OPCML: variants seen among roughly 807,000 people sequenced by gnomAD.
OPCML encodes the protein opioid binding protein/cell adhesion molecule like.
OPCML carries 13 observed loss-of-function variants against 37.8 expected under a neutral mutation model. The ratio of observed to expected loss-of-function variants is 0.34; its 90% CI spans 0.22 to 0.55. The LOEUF is 0.55. OPCML is among the 20% of genes least tolerant of loss of function. The probability of loss-of-function intolerance (pLI) is 0.91; values close to 1 mark genes in which losing one functional copy is unlikely to be tolerated. For synonymous variants in OPCML, 176 were observed against 168.8 expected, an observed-to-expected ratio of 1.04 and a Z score of -0.33; for missense variants, 341 against 435.6, an observed-to-expected ratio of 0.78 and a Z score of 1.93.
At chr11:133,011,579 T>C (rs960447056) in intron 1 of OPCML, among the ~76,000 whole-genome samples, 1 of 150,606 alleles carries the variant, frequency 6.6e-6, no homozygotes, top group African/African-American at 2.4e-5. Context: ...ATTTAAAAAC[T>C]GAATGAACAG....
At chr11:132,652,925 T>G (rs1397340164) in intron 3 of OPCML, among the ~76,000 whole-genome samples, 1 of 152,158 alleles carries the variant, frequency 6.6e-6, no homozygotes, top group Non-Finnish European at 1.5e-5. Context: ...GAGTGCCTAC[T>G]GTGCCTCAGA....
intron 1 of OPCML, among the ~76,000 whole-genome samples, chr11:133,172,992 T>C (rs1257400465): frequency 6.6e-6 from 1 of 152,212 alleles, no homozygotes; most frequent in Non-Finnish European, 1.5e-5. Context: ...TTATAACACT[T>C]AAAGTTGAAT....
chr11:132,438,254 CA>C (rs1423750823), intron 4 of OPCML, among the ~76,000 whole-genome samples: 1 of 152,218 alleles, frequency 6.6e-6, no homozygotes, highest in Non-Finnish European at 1.5e-5. Flanking sequence ...TGTCTTCCAT[CA>C]CAAATGTTCT....
chr11:133,525,943 C>T (rs998428848), intron 1 of OPCML, among the ~76,000 whole-genome samples: 7 of 152,180 alleles, frequency 4.6e-5, no homozygotes, highest in African/African-American at 1.2e-4. Flanking sequence ...AACGAGAATG[C>T]GCCTGCATCA....
intron 1 of OPCML, among the ~76,000 whole-genome samples, chr11:132,999,147 C>T (rs1946943697): frequency 6.6e-6 from 1 of 152,096 alleles, no homozygotes; most frequent in Non-Finnish European, 1.5e-5. Context: ...GCAGTCCTGC[C>T]CTATCTGGCA....
chr11:133,407,069 T>C (rs1945542171), intron 1 of OPCML, among the ~76,000 whole-genome samples: 1 of 152,202 alleles, frequency 6.6e-6, no homozygotes, highest in South Asian at 2.1e-4. Context: ...GCCTTTGAAC[T>C]GCTAAGCAGT....
At chr11:133,157,252 C>A (rs1025735166) in intron 1 of OPCML, among the ~76,000 whole-genome samples, 1 of 152,156 alleles carries the variant, frequency 6.6e-6, no homozygotes, top group Admixed American at 6.5e-5. Context: ...CATCACAAGA[C>A]CTTACAAATT....
intron 2 of OPCML, among the ~76,000 whole-genome samples, chr11:132,728,392 G>A (rs1006591315): frequency 5.3e-5 from 8 of 152,228 alleles, no homozygotes; most frequent in Non-Finnish European, 1.0e-4. Context: ...CATCGTTTGG[G>A]TGTGCAGAGC....
intron 1 of OPCML, among the ~76,000 whole-genome samples, chr11:133,031,356 T>A (rs550888816): frequency 5.3e-5 from 8 of 151,618 alleles, no homozygotes; most frequent in Admixed American, 4.6e-4. Flanking sequence ...AATGGGTGGA[T>A]AGATGAATGA....
intron 3 of OPCML, among the ~76,000 whole-genome samples, chr11:132,633,281 C>T (rs1376500751): frequency 6.6e-6 from 1 of 152,068 alleles, no homozygotes. Context: ...CGGCTCACTG[C>T]AACCTCTACC....
chr11:132,551,516 C>T (rs992112785), intron 3 of OPCML, among the ~76,000 whole-genome samples: 1 of 152,164 alleles, frequency 6.6e-6, no homozygotes, highest in Non-Finnish European at 1.5e-5. Context: ...AGGAGTCTCA[C>T]GGCTGGAGGC....
At chr11:133,529,973 T>C (rs1354433600) in intron 1 of OPCML, among the ~76,000 whole-genome samples, 1 of 152,182 alleles carries the variant, frequency 6.6e-6, no homozygotes, top group African/African-American at 2.4e-5. Flanking sequence ...GTTCTTGTTC[T>C]TACCGGGCTC....
intron 2 of OPCML, among the ~76,000 whole-genome samples, chr11:132,795,713 C>T (rs1938265870): frequency 6.6e-6 from 1 of 152,186 alleles, no homozygotes; most frequent in African/African-American, 2.4e-5. Context: ...ACTTAACATA[C>T]TGCTTGCAAA....
At chr11:132,820,424 C>A (rs75412509) in intron 2 of OPCML, among the ~76,000 whole-genome samples, 1 of 152,072 alleles carries the variant, frequency 6.6e-6, no homozygotes, top group South Asian at 2.1e-4. Context: ...GACAGACATT[C>A]GATCAAGTTC....
chr11:133,264,436 T>C (rs1313400790), intron 1 of OPCML, among the ~76,000 whole-genome samples: 1 of 152,190 alleles, frequency 6.6e-6, no homozygotes. Context: ...GTTGCTGTCT[T>C]ACAAGTGAGG....
At position 132,647,472 on chromosome 11, in the gene OPCML, C is replaced by G. The variant is rs139467597; in HGVS notation, c.379+9615G>C. 8.8e-3 allele frequency among the ~76,000 whole-genome samples: 1,337 copies of G among 152,168 alleles called. 10 individuals are homozygous for G. The highest frequency in any genetic ancestry group is 0.015 in the Non-Finnish European group (1,001 of 68,008). ...TTAACTACTAAGAGCCTAATGTTGA[C>G]CAGAAGCCTTACTGATAATATGAAA... On this transcript the variant is annotated intron_variant, in intron 3 of 7. Coordinates refer to ENST00000524381, the MANE Select transcript of OPCML (RefSeq NM_001012393.5).
intron 1 of OPCML, among the ~76,000 whole-genome samples, chr11:133,307,830 T>C (rs978062636): frequency 3.3e-5 from 5 of 151,984 alleles, no homozygotes; most frequent in Non-Finnish European, 5.9e-5. Flanking sequence ...ATCTTATTTA[T>C]GCTTTCTCTT....
At chr11:133,459,847 T>C (rs1188183477) in intron 1 of OPCML, among the ~76,000 whole-genome samples, 1 of 151,910 alleles carries the variant, frequency 6.6e-6, no homozygotes, top group Non-Finnish European at 1.5e-5. Context: ...TACAGAGAAA[T>C]TGAGCAACAT....
intron 3 of OPCML, among the ~76,000 whole-genome samples, chr11:132,556,456 T>C (rs1009630229): frequency 6.6e-6 from 1 of 152,144 alleles, no homozygotes; most frequent in Non-Finnish European, 1.5e-5. Context: ...ATTTGCCTCA[T>C]GACACAACTT....
Sources: gnomAD v4.1 joint callset for allele counts (sites outside exome capture counted in the v4.1 genomes callset) on GRCh38, gnomAD v4.1.1 for gene constraint, MANE v1.5 for transcripts, NCBI Gene and HGNC (gene_info 2026-07-23, HGNC 2026-07-21) for gene names.